SCFD2: variants seen among roughly 807,000 people sequenced by gnomAD.
SCFD2 encodes the protein sec1 family domain containing 2, also known as sec1 family domain-containing protein 2.
A neutral mutation model predicts 58.9 loss-of-function variants in SCFD2; 54 were observed. The ratio of observed to expected loss-of-function variants is 0.92; its 90% CI spans 0.74 to 1.15. SCFD2 has a LOEUF of 1.15. SCFD2 is among the 50% of genes most tolerant of loss of function. The probability of loss-of-function intolerance (pLI) is 0.00; values close to 1 mark genes in which losing one functional copy is unlikely to be tolerated. For missense variants in SCFD2, 805 were observed against 836.6 expected (o/e 0.96, Z 0.47); for synonymous variants, 321 against 335.9 (o/e 0.96, Z 0.49).
chr4:53,115,273 T>C (rs1250779612), intron 5 of SCFD2, among the ~76,000 whole-genome samples: 1 of 152,000 alleles, frequency 6.6e-6, no homozygotes, highest in Non-Finnish European at 1.5e-5. Context: ...AGTTAGGAGA[T>C]TTAGAAACAC....
intron 5 of SCFD2, among the ~76,000 whole-genome samples, chr4:52,968,666 T>C (rs1001922576): frequency 6.6e-6 from 1 of 152,216 alleles, no homozygotes; most frequent in African/African-American, 2.4e-5. Context: ...TTTATACTTC[T>C]ATCACTGCAA....
chr4:52,874,562 G>T (rs1718427698), intron 8 of SCFD2, among the ~76,000 whole-genome samples: 1 of 152,168 alleles, frequency 6.6e-6, no homozygotes, highest in Non-Finnish European at 1.5e-5. Flanking sequence ...AAACTGGGTG[G>T]CTTAAACAAT....
chr4:53,120,639 G>A (rs530983698), intron 5 of SCFD2, among the ~76,000 whole-genome samples: 3 of 152,172 alleles, frequency 2.0e-5, no homozygotes, highest in Non-Finnish European at 4.4e-5. Flanking sequence ...CACACTGGGA[G>A]AAATAGACAG....
At chr4:53,287,165 T>C (rs1307414155) in intron 3 of SCFD2, among the ~76,000 whole-genome samples, 1 of 152,128 alleles carries the variant, frequency 6.6e-6, no homozygotes, top group Non-Finnish European at 1.5e-5. Context: ...GAGAGTTTCA[T>C]CTACCTGTGC....
At position 52,955,967 on chromosome 4, in the gene SCFD2, G is replaced by A. The variant is rs1426675055; in HGVS notation, c.1562-35097C>T. ...CCTTACATTAACCTGGTGTCCCACAGTAGGCTGAGATACCTATTGCTGTGG... is the reference window on the plus strand; with the variant it reads ...CCTTACATTAACCTGGTGTCCCACAATAGGCTGAGATACCTATTGCTGTGG... On this transcript the variant is annotated intron_variant, in intron 5 of 8. Coordinates refer to ENST00000401642, the MANE Select transcript of SCFD2 (RefSeq NM_152540.4). 7 of 436,128 alleles carry A rather than the reference G, an allele frequency of 1.6e-5. 1 individual carries two copies. Among genetic ancestry groups the A allele is most frequent in the Admixed American group, 7.4e-5 (3 of 40,408 alleles). The allele number at this position is 436,128 out of a possible 1,614,324, so 27.0% of individuals were successfully genotyped here.
chr4:52,881,643 A>C (rs1024181444), intron 8 of SCFD2, among the ~76,000 whole-genome samples: 1 of 152,224 alleles, frequency 6.6e-6, no homozygotes, highest in Admixed American at 6.5e-5. Flanking sequence ...CGTGGTTCCA[A>C]AGAGCACCCA....
chr4:53,049,227 A>T (rs995916786), intron 5 of SCFD2, among the ~76,000 whole-genome samples: 1 of 152,210 alleles, frequency 6.6e-6, no homozygotes, highest in African/African-American at 2.4e-5. Context: ...AAGATATGAT[A>T]CCAAGAATGT....
At chr4:53,102,858 T>C (rs1724869042) in intron 5 of SCFD2, among the ~76,000 whole-genome samples, 1 of 144,350 alleles carries the variant, frequency 6.9e-6, no homozygotes, top group African/African-American at 2.4e-5. Context: ...ACTTGACAAA[T>C]GTAAAACAAT....
chr4:53,197,104 A>G (rs528903175), intron 4 of SCFD2, among the ~76,000 whole-genome samples: 20 of 152,284 alleles, frequency 1.3e-4, no homozygotes, highest in African/African-American at 4.1e-4. Flanking sequence ...AAGATCCATC[A>G]TCCCAAAGCA....
chr4:52,905,170 C>A (rs1196344289), intron 7 of SCFD2, among the ~76,000 whole-genome samples: 2 of 152,216 alleles, frequency 1.3e-5, no homozygotes, highest in Non-Finnish European at 2.9e-5. Flanking sequence ...TTCTGGAGAG[C>A]CTTAAAGCAG....
At chr4:53,311,193 G>A (rs1296859720) in intron 3 of SCFD2, among the ~76,000 whole-genome samples, 5 of 152,154 alleles carry the variant, frequency 3.3e-5, no homozygotes, top group Non-Finnish European at 7.4e-5. Context: ...TGTGTTATCT[G>A]TTACTAAAGA....
At chr4:53,173,331 C>CT (rs1242227900) in intron 4 of SCFD2, among the ~76,000 whole-genome samples, 1 of 152,096 alleles carries the variant, frequency 6.6e-6, no homozygotes, top group Admixed American at 6.6e-5. Context: ...ATATGCATTG[C>CT]TTTTGCACCC....
chr4:53,007,349 A>G (rs1434433084), intron 5 of SCFD2, among the ~76,000 whole-genome samples: 3 of 134,218 alleles, frequency 2.2e-5, no homozygotes, highest in Admixed American at 1.5e-4. Context: ...AGAGAGAGAG[A>G]GAGAAAAGAA....
intron 5 of SCFD2, among the ~76,000 whole-genome samples, chr4:52,941,719 G>A (rs1720297964): frequency 6.6e-6 from 1 of 152,206 alleles, no homozygotes; most frequent in South Asian, 2.1e-4. Context: ...TAGGGATGAG[G>A]GAAATTTACA....
intron 5 of SCFD2, among the ~76,000 whole-genome samples, chr4:52,986,055 GTCAAGCAGATC>G (rs1042514855): frequency 2.5e-4 from 38 of 152,208 alleles, no homozygotes; most frequent in African/African-American, 8.2e-4. Flanking sequence ...TGACGTCGCA[GTCAAGCAGATC>G]TCATGTTAAC....
intron 5 of SCFD2, among the ~76,000 whole-genome samples, chr4:53,033,230 A>G (rs1007026667): frequency 6.6e-6 from 1 of 152,218 alleles, no homozygotes; most frequent in African/African-American, 2.4e-5. Context: ...TGGGTAAATA[A>G]CGAAATGAAG....
At chr4:53,314,381 G>A (rs1476049146) in intron 2 of SCFD2, among the ~76,000 whole-genome samples, 3 of 152,198 alleles carry the variant, frequency 2.0e-5, no homozygotes, top group Non-Finnish European at 4.4e-5. Context: ...ATAACAGCAC[G>A]AAGCACTGCA....
At chr4:53,326,527 A>T (rs931550643) in intron 2 of SCFD2, among the ~76,000 whole-genome samples, 2 of 152,226 alleles carry the variant, frequency 1.3e-5, no homozygotes, top group African/African-American at 2.4e-5. Flanking sequence ...CAAAAAGTCT[A>T]CTGTGAACAT....
chr4:52,888,730 T>C lies in SCFD2; in HGVS notation c.1843-2864A>G, dbSNP rs561050957. Among the ~76,000 whole-genome samples, 3 of 152,328 alleles carry C rather than the reference T, an allele frequency of 2.0e-5. No homozygotes were observed. The South Asian group carries it at 6.2e-4, about 32-fold the overall frequency. On this transcript the variant is annotated intron_variant, in intron 7 of 8. Coordinates refer to ENST00000401642, the MANE Select transcript of SCFD2 (RefSeq NM_152540.4). ...TAGGTTCCCTTTCTTGGTCTGCCCA[T>C]TTAAATGTTGTTACTTACAGCTCCA... is the stretch of plus-strand genomic sequence containing the variant.
Sources: gnomAD v4.1 joint callset for allele counts (sites outside exome capture counted in the v4.1 genomes callset) on GRCh38, gnomAD v4.1.1 for gene constraint, MANE v1.5 for transcripts, NCBI Gene and HGNC (gene_info 2026-07-23, HGNC 2026-07-21) for gene names.